Variants in GALNTL6 observed in about 807,000 individuals in gnomAD.
GALNTL6 encodes polypeptide N-acetylgalactosaminyltransferase-like 6.
In GALNTL6, 46 loss-of-function variants were observed where a neutral mutation model predicts 73.7. The ratio of observed to expected loss-of-function variants is 0.62; its 90% CI spans 0.49 to 0.80. The LOEUF is 0.80. Among genes scored for constraint, GALNTL6 ranks in the 30% least tolerant of loss-of-function variants. The pLI, the probability that GALNTL6 is intolerant of heterozygous loss-of-function variation, is 0.00. For missense variants in GALNTL6, 604 were observed against 755.0 expected, an observed-to-expected ratio of 0.80 and a Z score of 2.34; for synonymous variants, 259 against 263.7, an observed-to-expected ratio of 0.98 and a Z score of 0.17.
chr4:172,499,619 A>G (rs1384332668), intron 5 of GALNTL6, among the ~76,000 whole-genome samples: 1 of 152,250 alleles, frequency 6.6e-6, no homozygotes, highest in Non-Finnish European at 1.5e-5. Flanking sequence ...AGAAAAGAGA[A>G]TCAACAGAAG....
At chr4:172,619,594 T>G (rs913056322) in intron 5 of GALNTL6, among the ~76,000 whole-genome samples, 1 of 152,208 alleles carries the variant, frequency 6.6e-6, no homozygotes, top group African/African-American at 2.4e-5. Context: ...TCAAACTATG[T>G]AAGATTCAGG....
chr4:171,914,860 A>G (rs960375758), intron 2 of GALNTL6, among the ~76,000 whole-genome samples: 4 of 151,548 alleles, frequency 2.6e-5, no homozygotes, highest in South Asian at 4.1e-4. Flanking sequence ...ATTTTTTTAC[A>G]CAGTTTGATA....
At chr4:173,020,870 T>C (rs1478155481) in intron 11 of GALNTL6, among the ~76,000 whole-genome samples, 2 of 152,114 alleles carry the variant, frequency 1.3e-5, no homozygotes, top group Non-Finnish European at 2.9e-5. Flanking sequence ...GTCAGGAGTT[T>C]GAGACTAGCC....
At chr4:172,226,103 G>A (rs1000306519) in intron 2 of GALNTL6, among the ~76,000 whole-genome samples, 2 of 152,160 alleles carry the variant, frequency 1.3e-5, no homozygotes, top group South Asian at 4.1e-4. Flanking sequence ...GAAGACTATG[G>A]TGGTAACCAG....
At chr4:172,369,847 C>G (rs968514103) in intron 5 of GALNTL6, among the ~76,000 whole-genome samples, 8 of 152,182 alleles carry the variant, frequency 5.3e-5, no homozygotes, top group African/African-American at 1.9e-4. Context: ...CCACCCACGC[C>G]TCTCCCTCCA....
chr4:172,162,519 T>C (rs1272506618), intron 2 of GALNTL6, among the ~76,000 whole-genome samples: 1 of 151,878 alleles, frequency 6.6e-6, no homozygotes, highest in Non-Finnish European at 1.5e-5. Context: ...TAAAGTAATG[T>C]CAGTAGTCTA....
intron 7 of GALNTL6, among the ~76,000 whole-genome samples, chr4:172,824,805 G>A (rs571385356): frequency 1.3e-5 from 2 of 152,138 alleles, no homozygotes; most frequent in East Asian, 1.9e-4. Context: ...AAACAGTACC[G>A]CACATACTCC....
intron 5 of GALNTL6, among the ~76,000 whole-genome samples, chr4:172,711,273 A>G (rs754799963): frequency 9.8e-5 from 15 of 152,298 alleles, no homozygotes; most frequent in Non-Finnish European, 1.9e-4. Flanking sequence ...CGCCGCGTAC[A>G]CATGTCTTAG....
At chr4:172,472,561 T>C (rs1183531851) in intron 5 of GALNTL6, among the ~76,000 whole-genome samples, 4 of 152,186 alleles carry the variant, frequency 2.6e-5, no homozygotes, top group Admixed American at 6.5e-5. Context: ...ACAGGGTCAT[T>C]GCAGCTGTAA....
chr4:171,974,865 G>A (rs76127621), intron 2 of GALNTL6, among the ~76,000 whole-genome samples: 5,786 of 152,228 alleles, frequency 0.038, 313 homozygotes, highest in African/African-American at 0.11. Context: ...TCTATGATAT[G>A]TTATGGTTGT....
At chr4:172,639,104 A>T (rs188309630) in intron 5 of GALNTL6, among the ~76,000 whole-genome samples, 21 of 152,256 alleles carry the variant, frequency 1.4e-4, no homozygotes, top group Admixed American at 1.2e-3. Flanking sequence ...CTCCACTGCA[A>T]AGTTAGTTTT....
intron 5 of GALNTL6, among the ~76,000 whole-genome samples, chr4:172,750,778 T>C (rs1579434406): frequency 6.6e-6 from 1 of 152,212 alleles, no homozygotes; most frequent in Non-Finnish European, 1.5e-5. Flanking sequence ...ATTTTACCCA[T>C]ATTTTTGCTC....
At chr4:172,089,937 C>G (rs574049007) in intron 2 of GALNTL6, among the ~76,000 whole-genome samples, 2 of 152,044 alleles carry the variant, frequency 1.3e-5, no homozygotes, top group South Asian at 4.1e-4. Flanking sequence ...CACTTATGAA[C>G]GAGAACATGA....
intron 8 of GALNTL6, among the ~76,000 whole-genome samples, chr4:172,889,203 G>A (rs1745888398): frequency 6.6e-6 from 1 of 152,126 alleles, no homozygotes. Flanking sequence ...TATCATTAGT[G>A]AAGAGCGATA....
At chr4:172,723,141 C>G (rs1038148703) in intron 5 of GALNTL6, among the ~76,000 whole-genome samples, 2 of 152,152 alleles carry the variant, frequency 1.3e-5, no homozygotes, top group Non-Finnish European at 2.9e-5. Context: ...TCACAGTTCT[C>G]TCTCTAAAGG....
chr4:172,880,839 T>C lies in GALNTL6; in HGVS notation c.924-1951T>C, dbSNP rs556086902. Reference sequence around the variant, plus strand: ...ATCCATTTGAATTTATGTTATTATATGTCTAAAATAACCTAAGATACACTG... The same window carrying C: ...ATCCATTTGAATTTATGTTATTATACGTCTAAAATAACCTAAGATACACTG... On this transcript the variant is annotated intron_variant, in intron 7 of 12. Transcript: ENST00000506823. Among the ~76,000 whole-genome samples the C allele has an allele frequency of 1.4e-4, 21 of 152,318 alleles. No individual in the cohort carries two copies. The South Asian group carries it at 4.1e-3, about 30-fold the overall frequency.
At chr4:172,543,538 C>G (rs1053211952) in intron 5 of GALNTL6, among the ~76,000 whole-genome samples, 4 of 152,018 alleles carry the variant, frequency 2.6e-5, no homozygotes, top group African/African-American at 9.7e-5. Flanking sequence ...CTTCCTGGGT[C>G]GTAGAGACTT....
At chr4:172,746,076 A>G (rs1000496808) in intron 5 of GALNTL6, among the ~76,000 whole-genome samples, 1 of 152,148 alleles carries the variant, frequency 6.6e-6, no homozygotes, top group African/African-American at 2.4e-5. Flanking sequence ...TAATAATAAC[A>G]TCTGCCTTAT....
chr4:172,957,283 A>G (rs1749796093), intron 10 of GALNTL6, among the ~76,000 whole-genome samples: 1 of 152,208 alleles, frequency 6.6e-6, no homozygotes, highest in Non-Finnish European at 1.5e-5. Flanking sequence ...GGTTCTAAGA[A>G]ATGGGCTAGT....
Sources: gnomAD v4.1 joint callset for allele counts (sites outside exome capture counted in the v4.1 genomes callset) on GRCh38, gnomAD v4.1.1 for gene constraint, MANE v1.5 for transcripts, NCBI Gene and HGNC (gene_info 2026-07-23, HGNC 2026-07-21) for gene names.